TMEFF2: variants seen among roughly 807,000 people sequenced by gnomAD.
TMEFF2 encodes transmembrane protein with EGF like and two follistatin like domains 2.
Under a neutral mutation model 53.8 loss-of-function variants are expected in TMEFF2, and 28 were observed. That is an observed-to-expected ratio of 0.52 (90% CI 0.39 to 0.71). The LOEUF is 0.71. Among genes scored for constraint, TMEFF2 ranks in the 30% least tolerant of loss-of-function variants. TMEFF2 has a pLI of 0.00. For synonymous variants in TMEFF2, 162 were observed against 166.3 expected, an observed-to-expected ratio of 0.97 and a Z score of 0.20; for missense variants, 353 against 455.2, an observed-to-expected ratio of 0.78 and a Z score of 2.04.
chr2:192,120,478 A>T (rs1559134975), intron 4 of TMEFF2, among the ~76,000 whole-genome samples: 2 of 152,170 alleles, frequency 1.3e-5, no homozygotes, highest in Non-Finnish European at 2.9e-5. Context: ...CTTTTCCCCT[A>T]AACCTGTTGA....
chr2:192,096,564 G>A, intron 4 of TMEFF2, among the ~76,000 whole-genome samples: 1 of 150,250 alleles, frequency 6.7e-6, no homozygotes, highest in African/African-American at 2.4e-5. Flanking sequence ...TTAAATTTCA[G>A]TCTTTGTAAA....
chr2:192,022,115 GCTGATCACA>G (rs1035554418), intron 5 of TMEFF2: 5 of 152,266 alleles, frequency 3.3e-5, no homozygotes, highest in African/African-American at 1.2e-4. Flanking sequence ...AGGTGCACCT[GCTGATCACA>G]CTGATCACTG....
intron 5 of TMEFF2, chr2:192,030,350 CATGGTGATGAAAAGAA>C (rs1687098145): frequency 6.6e-6 from 1 of 152,124 alleles, no homozygotes; most frequent in Non-Finnish European, 1.5e-5. Context: ...GTGACACAAC[CATGGTGATGAAAAGAA>C]ATCAGCTGTG....
intron 4 of TMEFF2, among the ~76,000 whole-genome samples, chr2:192,133,214 A>G (rs1016933894): frequency 6.6e-6 from 1 of 152,032 alleles, no homozygotes; most frequent in African/African-American, 2.4e-5. Flanking sequence ...TTCCCTGACT[A>G]TTCCTGGGCT....
At chr2:192,112,627 T>G (rs1689309759) in intron 4 of TMEFF2, among the ~76,000 whole-genome samples, 1 of 152,152 alleles carries the variant, frequency 6.6e-6, no homozygotes, top group Admixed American at 6.6e-5. Context: ...AAGGCATGAT[T>G]GGTTTTGAAA....
chr2:192,103,397 C>T lies in TMEFF2; in HGVS notation c.440-45622G>A, dbSNP rs1689077809. On this transcript the variant is annotated intron_variant, in intron 4 of 9. Coordinates refer to ENST00000272771, the MANE Select transcript of TMEFF2 (RefSeq NM_016192.4). Reference sequence around the variant, plus strand: ...GCTTGGATTACGGCCTGGATATGGACCTTTTAGTTTTGGATTCACCTTAAG... The same window carrying T: ...GCTTGGATTACGGCCTGGATATGGATCTTTTAGTTTTGGATTCACCTTAAG... 1.3e-5 allele frequency among the ~76,000 whole-genome samples: 2 copies of T among 152,092 alleles called. 1 individual carries two copies. Among genetic ancestry groups the T allele is most frequent in the Middle Eastern group, 6.8e-3 (2 of 294 alleles).
intron 5 of TMEFF2, among the ~76,000 whole-genome samples, chr2:192,037,287 A>AAGAAAGAAAGAAAGAG (rs1208759790): frequency 7.4e-6 from 1 of 135,952 alleles, no homozygotes; most frequent in Non-Finnish European, 1.5e-5. Context: ...GAAAGAAAGA[A>AAGAAAGAAAGAAAGAG]AGAAAGAAAG....
At chr2:191,960,376 A>G (rs746629569) in intron 7 of TMEFF2, among the ~76,000 whole-genome samples, 2 of 152,238 alleles carry the variant, frequency 1.3e-5, no homozygotes, top group Non-Finnish European at 2.9e-5. Flanking sequence ...TGGCTTTGAC[A>G]AAACAACATG....
At chr2:192,122,979 C>T (rs1022565169) in intron 4 of TMEFF2, among the ~76,000 whole-genome samples, 7 of 152,082 alleles carry the variant, frequency 4.6e-5, no homozygotes, top group African/African-American at 1.7e-4. Context: ...GCTCTGAGCT[C>T]TATAGCAGCC....
chr2:192,059,312 A>G (rs1397996893), intron 4 of TMEFF2, among the ~76,000 whole-genome samples: 4 of 151,982 alleles, frequency 2.6e-5, no homozygotes, highest in African/African-American at 9.7e-5. Context: ...AAGGAATTTT[A>G]GACTCTGATA....
chr2:192,058,144 CAT>C (rs1257618514), intron 4 of TMEFF2, among the ~76,000 whole-genome samples: 2 of 152,120 alleles, frequency 1.3e-5, no homozygotes, highest in Non-Finnish European at 1.5e-5. Flanking sequence ...TTTACTGAAA[CAT>C]ATTTAGCATT....
At chr2:191,982,686 TTGAG>T (rs1449027081) in intron 7 of TMEFF2, among the ~76,000 whole-genome samples, 1 of 152,180 alleles carries the variant, frequency 6.6e-6, no homozygotes, top group African/African-American at 2.4e-5. Flanking sequence ...AAGATATTGC[TTGAG>T]TTTCTCATGC....
chr2:192,084,755 T>C (rs373180150), intron 4 of TMEFF2, among the ~76,000 whole-genome samples: 10 of 152,312 alleles, frequency 6.6e-5, no homozygotes, highest in Admixed American at 3.3e-4. Flanking sequence ...TATTTTATGA[T>C]GACAAAAAGC....
chr2:192,011,909 C>A lies in TMEFF2; in HGVS notation c.537-12701G>T, dbSNP rs538527990. 5.3e-5 allele frequency among the ~76,000 whole-genome samples: 8 copies of A among 151,746 alleles called. No homozygotes were observed. In the East Asian group the frequency reaches 1.4e-3, roughly 26 times the overall value. ...TACATATTATCTTTTTTTTTTGAGA[C>A]AGCGTCTCGCTCTGTCATCCAGGCT... On this transcript the variant is annotated intron_variant, in intron 5 of 9. Transcript: ENST00000272771.
At position 192,008,592 on chromosome 2, in the gene TMEFF2, G is replaced by A. The variant is rs535213554; in HGVS notation, c.537-9384C>T. ...GATCACAGAGAAGTGCGGTCGCTCC[G>A]ACTGGATGGGTCTTTATACACACCT... On this transcript the variant is annotated intron_variant, in intron 5 of 9. Transcript: ENST00000272771. 3.3e-5 allele frequency among the ~76,000 whole-genome samples: 5 copies of A among 152,212 alleles called. No homozygotes were observed. In the South Asian group the frequency reaches 8.3e-4, roughly 25 times the overall value.
At chr2:192,120,530 G>A (rs1689524707) in intron 4 of TMEFF2, among the ~76,000 whole-genome samples, 2 of 152,108 alleles carry the variant, frequency 1.3e-5, no homozygotes, top group Admixed American at 1.3e-4. Context: ...AATCCAACTT[G>A]TTCTTCCCCT....
At chr2:192,167,946 AT>A (rs1284413580) in intron 4 of TMEFF2, among the ~76,000 whole-genome samples, 1 of 152,116 alleles carries the variant, frequency 6.6e-6, no homozygotes, top group Non-Finnish European at 1.5e-5. Context: ...TCATTCATTC[AT>A]CCCTTAATTT....
chr2:192,142,987 A>G (rs1272300039), intron 4 of TMEFF2, among the ~76,000 whole-genome samples: 2 of 152,188 alleles, frequency 1.3e-5, no homozygotes, highest in African/African-American at 4.8e-5. Context: ...GCCCACATTT[A>G]AAAATTAGGA....
chr2:192,048,261 C>T (rs920258075), intron 5 of TMEFF2, among the ~76,000 whole-genome samples: 2 of 151,570 alleles, frequency 1.3e-5, no homozygotes, highest in African/African-American at 4.8e-5. Context: ...ATTGGTTTGG[C>T]ATTCCTAACA....
Sources: allele counts gnomAD v4.1 joint callset (sites outside exome capture counted in the v4.1 genomes callset), GRCh38; gene constraint gnomAD v4.1.1; transcripts MANE v1.5; gene names NCBI Gene and HGNC (gene_info 2026-07-23, HGNC 2026-07-21).